Variants in ARHGEF7 observed in about 807,000 individuals in gnomAD.
The protein encoded by ARHGEF7 is PAK-interacting exchange factor beta.
Under a neutral mutation model 109.8 loss-of-function variants are expected in ARHGEF7, and 33 were observed. The observed-to-expected ratio is 0.30, with a 90% confidence interval of 0.23 to 0.40. The LOEUF (loss-of-function observed/expected upper bound fraction) is 0.40. ARHGEF7 is among the 10% of genes least tolerant of loss of function. The pLI is 1.00. For missense variants in ARHGEF7, 938 were observed against 1,098.5 expected (o/e 0.85, Z 2.07); for synonymous variants, 458 against 424.6 (o/e 1.08, Z -0.97).
Position 111,294,727 on chromosome 13 carries a change from T to A in ARHGEF7, c.2311+2433T>A, listed in dbSNP as rs139393372. ...TTCTACTTTTGTGGGACTTCAGTCA[T>A]GCTGATAATAGAATCTTCTGTTCAT... On this transcript the variant is annotated intron_variant, in intron 19 of 21. Transcript: ENST00000646102. The A allele has an allele frequency of 3.9e-4, 384 of 985,530 alleles. 4 individuals carry two copies. In the Middle Eastern group the frequency reaches 6.8e-3, roughly 17 times the overall value. 61.0% of individuals were successfully genotyped at this position (985,530 alleles called of 1,614,324 possible).
intron 2 of ARHGEF7, among the ~76,000 whole-genome samples, chr13:111,201,217 C>T (rs1171905234): frequency 6.6e-6 from 1 of 152,194 alleles, no homozygotes; most frequent in Non-Finnish European, 1.5e-5. Context: ...TTCTCTGCGT[C>T]TCACTATTTT....
In ARHGEF7 at chr13:111,139,481, G is replaced by A. The variant is rs545298207; in HGVS notation, c.166-14424G>A. 1.2e-3 allele frequency among the ~76,000 whole-genome samples: 185 copies of A among 152,330 alleles called. 2 individuals carry two copies. Among genetic ancestry groups the A allele is most frequent in the African/African-American group, 4.1e-3 (170 of 41,574 alleles). On this transcript the variant is annotated intron_variant, in intron 1 of 21. Coordinates refer to ENST00000646102, the MANE Select transcript of ARHGEF7 (RefSeq NM_001354046.2). The stretch of plus-strand genomic sequence containing the variant: ...CAGAATCACAGGAGGCCTCCAGAGC[G>A]TGTTTTGTCCCCCTTGGTTGAAGAA...
chr13:111,132,931 CAT>C (rs2074840673), intron 1 of ARHGEF7, among the ~76,000 whole-genome samples: 1 of 151,826 alleles, frequency 6.6e-6, no homozygotes. Flanking sequence ...CATGTACACA[CAT>C]AAGTACACAC....
intron 1 of ARHGEF7, among the ~76,000 whole-genome samples, chr13:111,136,642 G>A (rs367642491): frequency 6.6e-6 from 1 of 152,270 alleles, no homozygotes; most frequent in East Asian, 1.9e-4. Context: ...AGAGAAAGCA[G>A]GAAAGATCTA....
At chr13:111,189,814 G>A (rs1054707040) in intron 2 of ARHGEF7, among the ~76,000 whole-genome samples, 11 of 152,202 alleles carry the variant, frequency 7.2e-5, no homozygotes, top group African/African-American at 2.7e-4. Flanking sequence ...ACAGAGTGCT[G>A]ATTGGTGTGT....
chr13:111,133,418 A>T (rs2074889844), intron 1 of ARHGEF7, among the ~76,000 whole-genome samples: 1 of 152,074 alleles, frequency 6.6e-6, no homozygotes, highest in African/African-American at 2.4e-5. Flanking sequence ...GTATGCACAT[A>T]TATACATACG....
intron 12 of ARHGEF7, among the ~76,000 whole-genome samples, chr13:111,276,780 G>A (rs146644200): frequency 8.1e-4 from 124 of 152,292 alleles, no homozygotes; most frequent in Admixed American, 2.0e-3. Flanking sequence ...CTTTGCATAA[G>A]CCTAATGTTC....
intron 2 of ARHGEF7, among the ~76,000 whole-genome samples, chr13:111,199,937 C>T (rs908554040): frequency 4.6e-5 from 7 of 152,174 alleles, no homozygotes; most frequent in African/African-American, 1.7e-4. Flanking sequence ...GGGCTCACCC[C>T]TCTTCCTTTT....
Position 111,153,926 on chromosome 13 carries a change from G to A in ARHGEF7, c.187G>A (p.Glu63Lys). ...GCAGGTCTACCCCGAGCCCCGGAGC[G>A]AGAGCGAGTGCCTGAGCAACATCCG... ...IEKVYPEPRS[E>K]SECLSNIREF... is the part of the protein sequence containing the mutation. Residue 63 changes from glutamate (E) to lysine (K), a missense_variant, in exon 2 of 22, where the codon GAG (glutamate) becomes AAG (lysine). Physicochemically the swap from Glu to Lys is moderately conservative, Grantham distance 56. Around this residue, in one of 4 missense-constraint regions of ARHGEF7, gnomAD observed 165 missense variants for 125.8 expected, o/e 1.31. Coordinates refer to ENST00000646102, the MANE Select transcript of ARHGEF7 (RefSeq NM_001354046.2). 3 of 1,605,348 alleles carry A rather than the reference G, an allele frequency of 1.9e-6. No homozygotes were observed. The highest frequency in any genetic ancestry group is 2.3e-5 in the East Asian group (1 of 43,536).
chr13:111,238,943 CAG>C (rs2087259978), intron 6 of ARHGEF7, among the ~76,000 whole-genome samples: 1 of 152,102 alleles, frequency 6.6e-6, no homozygotes, highest in African/African-American at 2.4e-5. Context: ...TTAATTGACT[CAG>C]AGTTCCGCAT....
rs562113478 is a variant in ARHGEF7, at chr13:111,299,487, C to T, written c.2312-1261C>T. ...CCTCCCGAGTAGCTGGGACTATAGG[C>T]GCCTGCCACCACGCCCGGCTAATTT... On this transcript the variant is annotated intron_variant, in intron 19 of 21. Transcript: ENST00000646102. 4.6e-5 allele frequency among the ~76,000 whole-genome samples: 7 copies of T among 152,012 alleles called. No homozygotes were observed. In the East Asian group the frequency reaches 7.8e-4, roughly 17 times the overall value.
At chr13:111,212,198 T>C (rs1354502161) in intron 4 of ARHGEF7, among the ~76,000 whole-genome samples, 1 of 152,240 alleles carries the variant, frequency 6.6e-6, no homozygotes, top group African/African-American at 2.4e-5. Flanking sequence ...ATGTTGCGTT[T>C]ACTGCTTTGC....
At chr13:111,287,675 G>T (rs1188619054) in intron 17 of ARHGEF7, among the ~76,000 whole-genome samples, 1 of 152,182 alleles carries the variant, frequency 6.6e-6, no homozygotes, top group African/African-American at 2.4e-5. Flanking sequence ...GGTGTCTGGG[G>T]AGGAGCTCTC....
At chr13:111,205,741 G>T (rs996894942) in intron 3 of ARHGEF7, among the ~76,000 whole-genome samples, 2 of 152,062 alleles carry the variant, frequency 1.3e-5, no homozygotes, top group African/African-American at 4.8e-5. Context: ...TATCTAGTGG[G>T]CAGAAGTTTT....
chr13:111,182,808 T>C (rs1174045023), intron 2 of ARHGEF7: 1 of 152,242 alleles, frequency 6.6e-6, no homozygotes, highest in African/African-American at 2.4e-5. Flanking sequence ...TTTTTTGACT[T>C]TGCCATGGTG....
At chr13:111,160,497 A>G (rs1416179470) in intron 2 of ARHGEF7, among the ~76,000 whole-genome samples, 2 of 152,166 alleles carry the variant, frequency 1.3e-5, no homozygotes, top group African/African-American at 4.8e-5. Flanking sequence ...GCCTGTGTCC[A>G]CACCCAGATC....
intron 1 of ARHGEF7, among the ~76,000 whole-genome samples, chr13:111,139,906 A>AG (rs1321547221): frequency 6.6e-6 from 1 of 152,214 alleles, no homozygotes; most frequent in Admixed American, 6.5e-5. Context: ...CTCAACAGGG[A>AG]GGGTTGAAAC....
intron 18 of ARHGEF7, among the ~76,000 whole-genome samples, chr13:111,288,924 T>C (rs943521678): frequency 2.0e-5 from 3 of 152,308 alleles, no homozygotes; most frequent in East Asian, 1.9e-4. Flanking sequence ...CTTTTAAAAA[T>C]TTTTTGGAAA....
intron 8 of ARHGEF7, among the ~76,000 whole-genome samples, chr13:111,251,976 T>A (rs2089841633): frequency 6.6e-6 from 1 of 152,240 alleles, no homozygotes; most frequent in Non-Finnish European, 1.5e-5. Context: ...AAAAGGGATC[T>A]CTTTGTCTGT....
Sources: gnomAD v4.1 joint callset for allele counts (sites outside exome capture counted in the v4.1 genomes callset) on GRCh38, gnomAD v4.1.1 for gene constraint, gnomAD v4.1.1 regional missense constraint, MANE v1.5 for transcripts, NCBI Gene and HGNC (gene_info 2026-07-23, HGNC 2026-07-21) for gene names.